Variants in CNTN3 observed in about 807,000 individuals in gnomAD.
CNTN3 encodes contactin-3.
In CNTN3, 60 loss-of-function variants were observed where a neutral mutation model predicts 119.1. The ratio of observed to expected loss-of-function variants is 0.50; its 90% CI spans 0.41 to 0.62. CNTN3 has a LOEUF of 0.62. Ranked by LOEUF, CNTN3 falls within the 20% of genes least tolerant of loss-of-function variation. The pLI, the probability that CNTN3 is intolerant of heterozygous loss-of-function variation, is 0.00. For synonymous variants in CNTN3, 450 were observed against 438.7 expected, an observed-to-expected ratio of 1.03 and a Z score of -0.32; for missense variants, 1,101 against 1,242.4, an observed-to-expected ratio of 0.89 and a Z score of 1.71.
intron 1 of CNTN3, among the ~76,000 whole-genome samples, chr3:74,560,362 A>G (rs934640440): frequency 6.6e-6 from 1 of 152,202 alleles, no homozygotes; most frequent in Non-Finnish European, 1.5e-5. Flanking sequence ...TCCACAGATG[A>G]CAGCTGGCTA....
chr3:74,603,334 C>T (rs1226235799), intron 1 of CNTN3, among the ~76,000 whole-genome samples: 2 of 152,046 alleles, frequency 1.3e-5, no homozygotes, highest in South Asian at 2.1e-4. Flanking sequence ...GTGGTGGATA[C>T]ATATGTGGTC....
At chr3:74,567,536 G>T (rs1447831) in intron 1 of CNTN3, among the ~76,000 whole-genome samples, 1 of 151,916 alleles carries the variant, frequency 6.6e-6, no homozygotes, top group Non-Finnish European at 1.5e-5. Context: ...TTCCTGCTGT[G>T]TGATACATAC....
chr3:74,283,436 A>AT (rs1347913286), intron 20 of CNTN3, among the ~76,000 whole-genome samples: 1 of 152,182 alleles, frequency 6.6e-6, no homozygotes, highest in Non-Finnish European at 1.5e-5. Flanking sequence ...GGGCGTTTAT[A>AT]TGCTATCCCT....
rs116455083 is a variant in CNTN3 at position 74,607,347 on chromosome 3, G to A, written c.-81+7044C>T. On this transcript the variant is annotated intron_variant, in intron 1 of 22. Transcript: ENST00000263665. Reference sequence around the variant, plus strand: ...ATTAGATCACTAGCTATATTGTTCGGGTTGATTTTAATTGCCTGAAAAGTG... The same window carrying A: ...ATTAGATCACTAGCTATATTGTTCGAGTTGATTTTAATTGCCTGAAAAGTG... Among the ~76,000 whole-genome samples, 316 of 152,240 alleles carry A rather than the reference G, an allele frequency of 2.1e-3. 3 individuals carry two copies. Among genetic ancestry groups the A allele is most frequent in the African/African-American group, 7.2e-3 (299 of 41,546 alleles).
intron 3 of CNTN3, among the ~76,000 whole-genome samples, chr3:74,494,791 G>A (rs9819119): frequency 2.0e-5 from 3 of 152,144 alleles, no homozygotes; most frequent in Admixed American, 1.3e-4. Context: ...AAGAATGAAG[G>A]ACACACTTCA....
At chr3:74,366,105 A>G (rs1329826858) in intron 8 of CNTN3, among the ~76,000 whole-genome samples, 2 of 152,174 alleles carry the variant, frequency 1.3e-5, no homozygotes, top group Non-Finnish European at 2.9e-5. Context: ...ATGACAGCAT[A>G]TATTGTTCTT....
chr3:74,359,003 T>C (rs1704014768), intron 11 of CNTN3, among the ~76,000 whole-genome samples: 1 of 151,942 alleles, frequency 6.6e-6, no homozygotes, highest in Non-Finnish European at 1.5e-5. Flanking sequence ...CTTAATCCAG[T>C]CTATCATTGT....
rs183756025 is a variant in CNTN3 at position 74,554,776 on chromosome 3, T to C, written c.-80-33584A>G. 4.4e-3 allele frequency among the ~76,000 whole-genome samples: 667 copies of C among 152,338 alleles called. 5 individuals are homozygous for C. Among genetic ancestry groups the C allele is most frequent in the African/African-American group, 0.015 (636 of 41,570 alleles). ...CACATTGATTTTGTATCCTGAGACTTTGCTGAAGTTGCTTGTCAGCTTAAG... is the reference window on the plus strand; with the variant it reads ...CACATTGATTTTGTATCCTGAGACTCTGCTGAAGTTGCTTGTCAGCTTAAG... On this transcript the variant is annotated intron_variant, in intron 1 of 22. Coordinates refer to ENST00000263665, the MANE Select transcript of CNTN3 (RefSeq NM_020872.3).
chr3:74,372,718 T>A (rs1480055750), intron 5 of CNTN3, among the ~76,000 whole-genome samples: 1 of 152,080 alleles, frequency 6.6e-6, no homozygotes, highest in South Asian at 2.1e-4. Flanking sequence ...AGTAAATCAA[T>A]ATGCAAATAA....
chr3:74,497,478 C>G (rs924995190), intron 3 of CNTN3, among the ~76,000 whole-genome samples: 1 of 151,844 alleles, frequency 6.6e-6, no homozygotes, highest in Non-Finnish European at 1.5e-5. Context: ...CTTCTTAAAA[C>G]AGAGTCTGAT....
At chr3:74,528,346 T>C (rs1703648472) in intron 1 of CNTN3, among the ~76,000 whole-genome samples, 1 of 151,806 alleles carries the variant, frequency 6.6e-6, no homozygotes, top group South Asian at 2.1e-4. Flanking sequence ...GCAAAGACAA[T>C]TTTGCAATAC....
At chr3:74,371,940 G>T (rs1355490325) in intron 5 of CNTN3, among the ~76,000 whole-genome samples, 1 of 152,024 alleles carries the variant, frequency 6.6e-6, no homozygotes, top group Non-Finnish European at 1.5e-5. Context: ...TCTCTGTCCT[G>T]TCTTTGGCTT....
chr3:74,316,953 A>G (rs1702845727), intron 13 of CNTN3, among the ~76,000 whole-genome samples: 2 of 150,864 alleles, frequency 1.3e-5, no homozygotes, highest in Admixed American at 1.3e-4. Flanking sequence ...GTCTCCCATT[A>G]TTATTGTGTG....
chr3:74,347,288 T>C (rs936149436), intron 11 of CNTN3, among the ~76,000 whole-genome samples: 1 of 152,168 alleles, frequency 6.6e-6, no homozygotes, highest in Admixed American at 6.5e-5. Flanking sequence ...GTCATCCAGG[T>C]TGGAGTGCAG....
At chr3:74,428,028 A>G (rs1701723547) in intron 4 of CNTN3, among the ~76,000 whole-genome samples, 1 of 152,194 alleles carries the variant, frequency 6.6e-6, no homozygotes, top group Non-Finnish European at 1.5e-5. Flanking sequence ...ATATATGGCC[A>G]GACCATATTT....
At chr3:74,447,971 A>G (rs1176368800) in intron 4 of CNTN3, among the ~76,000 whole-genome samples, 3 of 152,172 alleles carry the variant, frequency 2.0e-5, no homozygotes, top group Admixed American at 2.0e-4. Context: ...AAATTGGATG[A>G]TCCATGTAGA....
chr3:74,529,240 T>C (rs887893234), intron 1 of CNTN3, among the ~76,000 whole-genome samples: 1 of 151,934 alleles, frequency 6.6e-6, no homozygotes, highest in Admixed American at 6.6e-5. Flanking sequence ...AAAGCATTAA[T>C]AAACTTTTCC....
chr3:74,453,896 T>A (rs1161641309), intron 4 of CNTN3, among the ~76,000 whole-genome samples: 1 of 152,204 alleles, frequency 6.6e-6, no homozygotes, highest in East Asian at 1.9e-4. Flanking sequence ...TAATTTCTAT[T>A]CTTTTACATT....
At chr3:74,320,888 T>A (rs1702971862) in intron 13 of CNTN3, among the ~76,000 whole-genome samples, 1 of 151,928 alleles carries the variant, frequency 6.6e-6, no homozygotes, top group East Asian at 1.9e-4. Context: ...TCTATGTCTA[T>A]ATCCTCAACT....
Sources: allele counts gnomAD v4.1 joint callset (sites outside exome capture counted in the v4.1 genomes callset), GRCh38; gene constraint gnomAD v4.1.1; transcripts MANE v1.5; gene names NCBI Gene and HGNC (gene_info 2026-07-23, HGNC 2026-07-21).